TNR: variants seen among roughly 807,000 people sequenced by gnomAD.
TNR encodes the protein tenascin R, also known as tenascin-R.
A neutral mutation model predicts 150.4 loss-of-function variants in TNR; 45 were observed. That is an observed-to-expected ratio of 0.30 (90% CI 0.24 to 0.38). The LOEUF (loss-of-function observed/expected upper bound fraction) is 0.38. TNR is among the 10% of genes least tolerant of loss of function. The pLI is 1.00. For missense variants in TNR, 1,544 were observed against 1,759.1 expected, an observed-to-expected ratio of 0.88 and a Z score of 2.19; for synonymous variants, 687 against 678.4, an observed-to-expected ratio of 1.01 and a Z score of -0.20.
rs572810274 is a variant in TNR at position 175,619,123 on chromosome 1, T to C, written c.-164-90754A>G. Among the ~76,000 whole-genome samples, 4 of 152,260 alleles carry C rather than the reference T, an allele frequency of 2.6e-5. No individual in the cohort carries two copies. The South Asian group carries it at 6.2e-4, about 24-fold the overall frequency. ...TCCATTAGTGACTGAGTGCCTGTTC[T>C]CTCCAGTCTCCTCCTCTATCACGGT... On this transcript the variant is annotated intron_variant, in intron 1 of 22. Coordinates refer to ENST00000367674, the MANE Select transcript of TNR (RefSeq NM_003285.3).
chr1:175,693,153 A>C (rs1248193070), intron 1 of TNR, among the ~76,000 whole-genome samples: 1 of 152,174 alleles, frequency 6.6e-6, no homozygotes, highest in African/African-American at 2.4e-5. Context: ...GAAAAAAGAG[A>C]CTTATTTCCC....
chr1:175,564,185 G>T (rs1461301119), intron 1 of TNR, among the ~76,000 whole-genome samples: 1 of 152,208 alleles, frequency 6.6e-6, no homozygotes, highest in African/African-American at 2.4e-5. Context: ...AAGGCACTTG[G>T]CAGCTTATGG....
chr1:175,323,870 C>A (rs546443013), intron 22 of TNR, among the ~76,000 whole-genome samples: 1 of 152,082 alleles, frequency 6.6e-6, no homozygotes, highest in Non-Finnish European at 1.5e-5. Context: ...GTGACAAACC[C>A]TTTTGGTTTG....
chr1:175,323,261 T>G lies in TNR; in HGVS notation c.*96A>C. ...CTTCCTTCACATACTCTTAATATGTTGCAAAACACATTGCTATTACCCTCC... is the reference window on the plus strand; with the variant it reads ...CTTCCTTCACATACTCTTAATATGTGGCAAAACACATTGCTATTACCCTCC... On this transcript the variant is annotated 3_prime_UTR_variant, in exon 23 of 23. Transcript: ENST00000367674. The G allele has an allele frequency of 6.6e-7, 1 of 1,511,036 alleles. No individual in the cohort carries two copies. The highest frequency in any genetic ancestry group is 9.0e-7 in the Non-Finnish European group (1 of 1,109,410). The allele number at this position is 1,511,036 out of a possible 1,614,324, so 93.6% of individuals were successfully genotyped here.
Position 175,366,131 on chromosome 1 carries a change from G to C in TNR, c.2061C>G (p.Asp687Glu). 1 of 1,599,754 alleles carries C rather than the reference G, an allele frequency of 6.3e-7. No homozygotes were observed. The highest frequency in any genetic ancestry group is 8.5e-7 in the Non-Finnish European group (1 of 1,172,070). The change falls in exon 11 of 23, where the codon GAC becomes GAG. Residue 687 changes from aspartate (D) to glutamate (E), a missense_variant. This residue lies in a region of TNR where 1,254 missense variants were observed against 1,329.4 expected (regional missense o/e 0.94). Transcript: ENST00000367674. ...CTGTCACCATGAGGTCTCGGGGACT[G>C]TCAAGTTCTGTGGATTGACATAAAT... ...PATMNARTEL[D>E]SPRDLMVTAS...
intron 2 of TNR, among the ~76,000 whole-genome samples, chr1:175,454,293 C>A (rs375578274): frequency 2.0e-5 from 3 of 152,172 alleles, no homozygotes; most frequent in African/African-American, 4.8e-5. Context: ...GAGCTGCTGG[C>A]CATACTGCAT....
intron 2 of TNR, among the ~76,000 whole-genome samples, chr1:175,457,300 T>C (rs1656610670): frequency 6.6e-6 from 1 of 152,214 alleles, no homozygotes; most frequent in Admixed American, 6.5e-5. Flanking sequence ...CACTAGGATG[T>C]GTTGGGAGGG....
chr1:175,640,267 C>G (rs952788334), intron 1 of TNR, among the ~76,000 whole-genome samples: 14 of 152,228 alleles, frequency 9.2e-5, no homozygotes, highest in African/African-American at 3.4e-4. Flanking sequence ...TCCTTCTTCT[C>G]TTTCCTCTAT....
At chr1:175,337,504 A>G (rs751695230) in intron 19 of TNR, 24 bp downstream of exon 19, 1 of 1,612,026 alleles carries the variant, frequency 6.2e-7, no homozygotes, top group South Asian at 1.1e-5. Context: ...GCTTCTGTGC[A>G]AGGAGAGCAC....
chr1:175,490,726 C>T (rs1658212508), intron 2 of TNR, among the ~76,000 whole-genome samples: 1 of 152,084 alleles, frequency 6.6e-6, no homozygotes, highest in South Asian at 2.1e-4. Context: ...AAATCAGATG[C>T]TAGCAAGATT....
chr1:175,740,231 A>C (rs1200840552), intron 1 of TNR, among the ~76,000 whole-genome samples: 1 of 152,234 alleles, frequency 6.6e-6, no homozygotes, highest in Non-Finnish European at 1.5e-5. Context: ...TGCAAAATGT[A>C]GCAGCATAAG....
intron 2 of TNR, among the ~76,000 whole-genome samples, chr1:175,462,473 G>GC (rs980502906): frequency 1.3e-5 from 2 of 152,146 alleles, no homozygotes; most frequent in South Asian, 4.2e-4. Flanking sequence ...ATAAAGATGT[G>GC]CCCGTCCACA....
rs375913117 is a variant in TNR at position 175,491,839 on chromosome 1, C to T, written c.-64+36430G>A. Among the ~76,000 whole-genome samples, 113 of 151,876 alleles carry T rather than the reference C, an allele frequency of 7.4e-4. 1 individual carries two copies. In the East Asian group the frequency reaches 0.018, roughly 24 times the overall value. The stretch of plus-strand genomic sequence containing the variant: ...TAATTTTTTGTATTTTTAGTAGAGA[C>T]GGGGTTTCACTGTGTTAGCCAGGAT... On this transcript the variant is annotated intron_variant, in intron 2 of 22. Transcript: ENST00000367674.
At chr1:175,502,852 G>T (rs1047286206) in intron 2 of TNR, among the ~76,000 whole-genome samples, 1 of 152,140 alleles carries the variant, frequency 6.6e-6, no homozygotes, top group African/African-American at 2.4e-5. Context: ...GAGATCAGAA[G>T]GTATGAAAGA....
At chr1:175,344,112 AG>A (rs1650657705) in intron 18 of TNR, among the ~76,000 whole-genome samples, 1 of 152,226 alleles carries the variant, frequency 6.6e-6, no homozygotes, top group Admixed American at 6.5e-5. Flanking sequence ...CTGGGTTTTA[AG>A]TACTCCTTTT....
chr1:175,648,256 GC>G (rs1664862162), intron 1 of TNR, among the ~76,000 whole-genome samples: 2 of 152,200 alleles, frequency 1.3e-5, no homozygotes, highest in South Asian at 4.1e-4. Flanking sequence ...AACCTGCCAA[GC>G]TTTTTATCTA....
chr1:175,598,957 T>C (rs926245929), intron 1 of TNR, among the ~76,000 whole-genome samples: 1 of 152,138 alleles, frequency 6.6e-6, no homozygotes. Flanking sequence ...CCCTCCCTCT[T>C]TGTTGAGCAG....
chr1:175,621,850 G>A (rs901350326), intron 1 of TNR, among the ~76,000 whole-genome samples: 1 of 152,176 alleles, frequency 6.6e-6, no homozygotes, highest in East Asian at 1.9e-4. Flanking sequence ...GCACCATAGA[G>A]GCAAGGATTT....
chr1:175,602,676 C>T (rs904439985), intron 1 of TNR, among the ~76,000 whole-genome samples: 7 of 152,152 alleles, frequency 4.6e-5, no homozygotes, highest in African/African-American at 1.7e-4. Flanking sequence ...TGCAGATTCC[C>T]ACATCTCTCA....
Sources: allele counts gnomAD v4.1 joint callset (sites outside exome capture counted in the v4.1 genomes callset), GRCh38; gene constraint gnomAD v4.1.1; regional missense constraint gnomAD v4.1.1; transcripts MANE v1.5; gene names NCBI Gene and HGNC (gene_info 2026-07-23, HGNC 2026-07-21).